PATJ: variants seen among roughly 807,000 people sequenced by gnomAD.
PATJ encodes the protein inaD-like protein.
Under a neutral mutation model 224.9 loss-of-function variants are expected in PATJ, and 190 were observed. The ratio of observed to expected loss-of-function variants is 0.84; its 90% CI spans 0.75 to 0.95. The LOEUF (loss-of-function observed/expected upper bound fraction) is 0.95. PATJ is among the 40% of genes least tolerant of loss of function. PATJ has a pLI of 0.00. For missense variants in PATJ, 2,121 were observed against 2,270.3 expected, an observed-to-expected ratio of 0.93 and a Z score of 1.34; for synonymous variants, 769 against 820.3, an observed-to-expected ratio of 0.94 and a Z score of 1.07.
intron 41 of PATJ, among the ~76,000 whole-genome samples, chr1:62,146,235 G>A (rs1004595260): frequency 1.3e-5 from 2 of 152,102 alleles, no homozygotes; most frequent in East Asian, 3.9e-4. Flanking sequence ...CAATGGGGCG[G>A]AGAGAATGCC....
intron 38 of PATJ, among the ~76,000 whole-genome samples, chr1:62,122,001 G>A (rs1005053146): frequency 4.6e-5 from 7 of 151,958 alleles, no homozygotes; most frequent in African/African-American, 1.4e-4. Flanking sequence ...GTGGGACAAG[G>A]GGTCCTTTTA....
At chr1:62,142,640 A>C (rs761557098) in intron 41 of PATJ, among the ~76,000 whole-genome samples, 2 of 152,186 alleles carry the variant, frequency 1.3e-5, no homozygotes, top group African/African-American at 2.4e-5. Flanking sequence ...GATGCTAATC[A>C]CCATAATTTG....
chr1:62,110,309 T>C (rs6700644), intron 34 of PATJ, among the ~76,000 whole-genome samples: 43,239 of 152,084 alleles, frequency 0.28, 7,125 homozygotes, highest in African/African-American at 0.45. Flanking sequence ...AGTACAAATG[T>C]GTGATGAGGC....
chr1:61,777,519 T>C (rs1646980194), intron 7 of PATJ, among the ~76,000 whole-genome samples: 1 of 151,754 alleles, frequency 6.6e-6, no homozygotes, highest in Non-Finnish European at 1.5e-5. Context: ...GGCGACAGAG[T>C]AAGACCCTGT....
At chr1:62,048,376 T>A (rs1652929297) in intron 30 of PATJ, among the ~76,000 whole-genome samples, 1 of 151,226 alleles carries the variant, frequency 6.6e-6, no homozygotes, top group Non-Finnish European at 1.5e-5. Flanking sequence ...CGAAACCCCG[T>A]CTCTACTAAA....
intron 14 of PATJ, among the ~76,000 whole-genome samples, chr1:61,809,597 C>T (rs747630753): frequency 3.3e-5 from 5 of 151,886 alleles, no homozygotes; most frequent in African/African-American, 4.8e-5. Context: ...CTGTTGGTCA[C>T]GCTGGTCTCC....
chr1:61,967,170 G>A (rs1464657867), intron 27 of PATJ, among the ~76,000 whole-genome samples: 2 of 152,054 alleles, frequency 1.3e-5, no homozygotes, highest in Admixed American at 6.6e-5. Context: ...TGCATGGAGA[G>A]GATTAAAAAT....
chr1:61,967,182 T>C (rs1682296080), intron 27 of PATJ, among the ~76,000 whole-genome samples: 1 of 152,196 alleles, frequency 6.6e-6, no homozygotes, highest in South Asian at 2.1e-4. Flanking sequence ...ATTAAAAATA[T>C]TCAGTTTCTC....
intron 43 of PATJ, among the ~76,000 whole-genome samples, chr1:62,156,661 A>G (rs1669252874): frequency 6.6e-6 from 1 of 152,020 alleles, no homozygotes; most frequent in Non-Finnish European, 1.5e-5. Flanking sequence ...CACGCCTGTA[A>G]TCCCAGCACC....
At chr1:61,970,957 C>A (rs1261586986) in intron 27 of PATJ, among the ~76,000 whole-genome samples, 2 of 152,204 alleles carry the variant, frequency 1.3e-5, no homozygotes, top group African/African-American at 2.4e-5. Flanking sequence ...TGTTTCCTTT[C>A]TCACAAGCAA....
chr1:61,886,498 A>G (rs984526971), intron 22 of PATJ, among the ~76,000 whole-genome samples: 7 of 152,054 alleles, frequency 4.6e-5, no homozygotes, highest in Non-Finnish European at 1.0e-4. Context: ...AAAATTGGAC[A>G]CAGAAAGAGC....
intron 7 of PATJ, among the ~76,000 whole-genome samples, chr1:61,777,847 A>G (rs1370821135): frequency 1.3e-5 from 2 of 151,376 alleles, no homozygotes; most frequent in Non-Finnish European, 2.9e-5. Context: ...AGTTGGTACT[A>G]CAGGCATGTA....
At chr1:62,139,143 G>C (rs1667233920) in intron 41 of PATJ, among the ~76,000 whole-genome samples, 1 of 152,060 alleles carries the variant, frequency 6.6e-6, no homozygotes, top group Non-Finnish European at 1.5e-5. Flanking sequence ...GCTCACACCT[G>C]TAATCCCAGC....
At chr1:61,787,423 T>C (rs1165412140) in intron 7 of PATJ, among the ~76,000 whole-genome samples, 1 of 152,250 alleles carries the variant, frequency 6.6e-6, no homozygotes, top group East Asian at 1.9e-4. Context: ...TGACCTTTCC[T>C]TCTTGAGGCC....
intron 33 of PATJ, among the ~76,000 whole-genome samples, chr1:62,085,081 G>A (rs968966050): frequency 1.3e-5 from 2 of 152,196 alleles, no homozygotes; most frequent in African/African-American, 2.4e-5. Flanking sequence ...GGCCAACATG[G>A]TGAAACCCTA....
At chr1:62,077,382 G>A (rs1409198824) in intron 31 of PATJ, among the ~76,000 whole-genome samples, 5 of 152,054 alleles carry the variant, frequency 3.3e-5, no homozygotes, top group Admixed American at 3.3e-4. Context: ...TCTCTTTTTA[G>A]TCAATATTAA....
intron 31 of PATJ, among the ~76,000 whole-genome samples, chr1:62,077,494 G>A (rs1242447482): frequency 6.6e-6 from 1 of 151,984 alleles, no homozygotes; most frequent in East Asian, 1.9e-4. Flanking sequence ...TTCGAGACCA[G>A]CCTGGGCAAC....
intron 27 of PATJ, among the ~76,000 whole-genome samples, chr1:61,951,712 G>C (rs1482299111): frequency 6.6e-6 from 1 of 151,952 alleles, no homozygotes; most frequent in African/African-American, 2.4e-5. Context: ...TGCACGTTTA[G>C]AATGTTACTG....
chr1:61,765,163 C>T (rs1646199368), intron 3 of PATJ, among the ~76,000 whole-genome samples: 1 of 134,082 alleles, frequency 7.5e-6, no homozygotes, highest in African/African-American at 2.7e-5. Context: ...TAGCCTCAAC[C>T]TCCTGGGCTC....
Sources: allele counts gnomAD v4.1 joint callset (sites outside exome capture counted in the v4.1 genomes callset), GRCh38; gene constraint gnomAD v4.1.1; transcripts MANE v1.5; gene names NCBI Gene and HGNC (gene_info 2026-07-23, HGNC 2026-07-21).